The following COMMD10 variants were observed in gnomAD, a reference collection of about 807,000 sequenced individuals.
COMMD10 encodes COMM domain-containing protein 10.
Under a neutral mutation model 28.9 loss-of-function variants are expected in COMMD10, and 33 were observed. The ratio of observed to expected loss-of-function variants is 1.14; its 90% CI spans 0.87 to 1.53. The LOEUF (loss-of-function observed/expected upper bound fraction) is 1.53. COMMD10 is among the 40% of genes most tolerant of loss of function. The pLI is 0.00. For synonymous variants in COMMD10, 110 were observed against 81.7 expected, an observed-to-expected ratio of 1.35 and a Z score of -1.87; for missense variants, 310 against 233.4, an observed-to-expected ratio of 1.33 and a Z score of -2.14.
At position 116,085,267 on chromosome 5, in the gene COMMD10, C is replaced by T. The variant is rs925862233; in HGVS notation, c.41+174C>T. The T allele has an allele frequency of 1.7e-4, 102 of 601,064 alleles. 2 individuals are homozygous for T. In the South Asian group the frequency reaches 1.8e-3, roughly 11 times the overall value. 37.2% of individuals were successfully genotyped at this position (601,064 alleles called of 1,614,324 possible). On this transcript the variant is annotated intron_variant, in intron 1 of 6. Transcript: ENST00000274458. The stretch of plus-strand genomic sequence containing the variant: ...GCTGCGTCTGCGGAGTGCGTGGGGC[C>T]GTGTAGCGCCTCTACAGTCACGGTG...
chr5:116,181,268 G>A (rs371922402), intron 5 of COMMD10, among the ~76,000 whole-genome samples: 3 of 151,954 alleles, frequency 2.0e-5, no homozygotes, highest in South Asian at 2.1e-4. Flanking sequence ...GTATGTGAAT[G>A]TATGGTCAGT....
chr5:116,094,618 C>G (rs1461639640), intron 4 of COMMD10, among the ~76,000 whole-genome samples: 1 of 152,124 alleles, frequency 6.6e-6, no homozygotes. Flanking sequence ...GTGGAGATTT[C>G]TCAAAAAACT....
At chr5:116,223,420 T>C (rs550133587) in intron 5 of COMMD10, among the ~76,000 whole-genome samples, 6 of 152,256 alleles carry the variant, frequency 3.9e-5, no homozygotes, top group Admixed American at 6.5e-5. Context: ...TTAACAAATA[T>C]TTACTCAGCT....
intron 5 of COMMD10, among the ~76,000 whole-genome samples, chr5:116,150,596 G>T (rs1179300029): frequency 7.3e-6 from 1 of 136,552 alleles, no homozygotes; most frequent in Admixed American, 7.2e-5. Context: ...TGCATTCCTA[G>T]GTATTTTATT....
At chr5:116,191,845 TAG>T (rs1309397679) in intron 5 of COMMD10, among the ~76,000 whole-genome samples, 3 of 151,840 alleles carry the variant, frequency 2.0e-5, no homozygotes, top group African/African-American at 7.3e-5. Flanking sequence ...AGCACTAAAA[TAG>T]AGCATTAAAC....
At chr5:116,136,189 G>C (rs138623610) in intron 5 of COMMD10, among the ~76,000 whole-genome samples, 2 of 151,712 alleles carry the variant, frequency 1.3e-5, no homozygotes, top group Non-Finnish European at 2.9e-5. Context: ...CTTTTTTCTT[G>C]ATTATATTTT....
chr5:116,173,896 T>G (rs1169185474), intron 5 of COMMD10, among the ~76,000 whole-genome samples: 1 of 151,650 alleles, frequency 6.6e-6, no homozygotes, highest in Non-Finnish European at 1.5e-5. Context: ...GTAATATGAA[T>G]TCATTCCTTA....
intron 5 of COMMD10, among the ~76,000 whole-genome samples, chr5:116,191,223 C>A (rs1748361042): frequency 6.6e-6 from 1 of 151,986 alleles, no homozygotes; most frequent in South Asian, 2.1e-4. Context: ...GAGCAGGGGG[C>A]AAAACTCCAC....
chr5:116,185,743 T>A (rs1174006492), intron 5 of COMMD10, among the ~76,000 whole-genome samples: 1 of 152,152 alleles, frequency 6.6e-6, no homozygotes, highest in Non-Finnish European at 1.5e-5. Context: ...ATTACAAATT[T>A]TAAAACTGGT....
intron 5 of COMMD10, among the ~76,000 whole-genome samples, chr5:116,238,186 C>T (rs1198141083): frequency 6.6e-6 from 1 of 152,108 alleles, no homozygotes; most frequent in Admixed American, 6.6e-5. Flanking sequence ...CAAGATATTT[C>T]TTAAAATACC....
At position 116,237,091 on chromosome 5, in the gene COMMD10, T is replaced by A. The variant is rs368044488; in HGVS notation, c.511-54426T>A. Among the ~76,000 whole-genome samples the A allele has an allele frequency of 8.5e-5, 13 of 152,214 alleles. No individual in the cohort carries two copies. In the East Asian group the frequency reaches 1.7e-3, roughly 20 times the overall value. On this transcript the variant is annotated intron_variant, in intron 5 of 6. Transcript: ENST00000274458. ...GCTGACGTGAGCACTGAGCAAAGAC[T>A]GTGGCTATCTGAATGAAGAATGTTA...
intron 5 of COMMD10, among the ~76,000 whole-genome samples, chr5:116,185,150 A>G (rs539707428): frequency 9.2e-5 from 14 of 152,276 alleles, no homozygotes; most frequent in African/African-American, 3.1e-4. Flanking sequence ...CTTTGCGCCC[A>G]TAGATCTTTA....
chr5:116,120,718 G>A (rs983650150), intron 4 of COMMD10, among the ~76,000 whole-genome samples: 2 of 148,618 alleles, frequency 1.3e-5, no homozygotes, highest in East Asian at 3.9e-4. Context: ...TAATGATTTT[G>A]AGACTGATCA....
intron 5 of COMMD10, among the ~76,000 whole-genome samples, chr5:116,176,422 T>A (rs1033030885): frequency 6.6e-6 from 1 of 152,170 alleles, no homozygotes; most frequent in Non-Finnish European, 1.5e-5. Context: ...CCTGGACTTA[T>A]TCACTGTTCT....
intron 5 of COMMD10, among the ~76,000 whole-genome samples, chr5:116,271,321 A>G (rs1750750270): frequency 6.8e-6 from 1 of 147,206 alleles, no homozygotes; most frequent in Non-Finnish European, 1.5e-5. Context: ...TATATAAAAT[A>G]TAAATATATA....
chr5:116,292,705 A>G lies in COMMD10; in HGVS notation c.*216A>G, dbSNP rs1248881701. 1 of 417,212 alleles carries G rather than the reference A, an allele frequency of 2.4e-6. No homozygotes were observed. The highest frequency in any genetic ancestry group is 2.0e-5 in the African/African-American group (1 of 48,926). 25.8% of individuals were successfully genotyped at this position (417,212 alleles called of 1,614,324 possible). A position where few individuals can be genotyped will look rare whatever the true frequency, so the allele number is the denominator to read the frequency against. On this transcript the variant is annotated 3_prime_UTR_variant, in exon 7 of 7. Transcript: ENST00000274458. ...TCTTTAGTTCTGTGAGCCAACAGTA[A>G]TTATTAAGAACACTTTCCCTTTAAA...
intron 5 of COMMD10, among the ~76,000 whole-genome samples, chr5:116,247,234 T>C (rs1277522023): frequency 6.6e-6 from 1 of 152,046 alleles, no homozygotes; most frequent in South Asian, 2.1e-4. Flanking sequence ...TCAACATCAC[T>C]GATTATTAGA....
At chr5:116,090,969 T>G in intron 2 of COMMD10, 110 bp from the exon 3 acceptor site, 1 of 583,114 alleles carries the variant, frequency 1.7e-6, no homozygotes. Flanking sequence ...TCACCATGTA[T>G]TTTTCTTTAA....
intron 4 of COMMD10, among the ~76,000 whole-genome samples, chr5:116,107,665 C>G (rs909312019): frequency 6.6e-6 from 1 of 152,154 alleles, no homozygotes; most frequent in Non-Finnish European, 1.5e-5. Flanking sequence ...TACCCAGCTT[C>G]TGAAGCCTAC....
Sources: gnomAD v4.1 joint callset for allele counts (sites outside exome capture counted in the v4.1 genomes callset) on GRCh38, gnomAD v4.1.1 for gene constraint, MANE v1.5 for transcripts, NCBI Gene and HGNC (gene_info 2026-07-23, HGNC 2026-07-21) for gene names.